The following GBP2 variants were observed in gnomAD, a reference collection of about 807,000 sequenced individuals.
The protein encoded by GBP2 is guanylate-binding protein 2.
GBP2 carries 54 observed loss-of-function variants against 60.8 expected under a neutral mutation model. The observed-to-expected ratio is 0.89, with a 90% CI of 0.71 to 1.11. The LOEUF (loss-of-function observed/expected upper bound fraction) is 1.11, where lower values mean the gene tolerates loss of function less well. Ranked by LOEUF, GBP2 falls within the 50% of genes most tolerant of loss-of-function variation. GBP2 has a pLI of 0.00. For missense variants in GBP2, 665 were observed against 703.3 expected, an observed-to-expected ratio of 0.95 and a Z score of 0.62; for synonymous variants, 243 against 256.5, an observed-to-expected ratio of 0.95 and a Z score of 0.50.
In GBP2 at chr1:89,114,121, G is replaced by A. The variant is rs533708281; in HGVS notation, c.1044C>T (p.Leu348=). 2 of 1,614,218 alleles carry A rather than the reference G, an allele frequency of 1.2e-6. No homozygotes were observed. The highest frequency in any genetic ancestry group is 1.7e-6 in the Non-Finnish European group (2 of 1,180,046). The change falls in exon 7 of 11, where the codon CTC becomes CTT. Residue 348 remains leucine, a synonymous_variant. Transcript: ENST00000370466. Reference sequence around the variant, plus strand: ...CCCTGTGCAGGTCCAGCAGCTCCTGGAGGGTTTCCGTGGGCAGCTGCACCT... The same window carrying A: ...CCCTGTGCAGGTCCAGCAGCTCCTGAAGGGTTTCCGTGGGCAGCTGCACCT... ...GQKVQLPTET[L]QELLDLHRDS...
At chr1:89,123,992 C>T (rs931144820) in intron 1 of GBP2, among the ~76,000 whole-genome samples, 2 of 152,122 alleles carry the variant, frequency 1.3e-5, no homozygotes, top group Non-Finnish European at 2.9e-5. Context: ...TTCTTATTCA[C>T]ATTTTCCAAC....
chr1:89,118,013 A>G (rs1681316039), intron 4 of GBP2: 1 of 325,006 alleles, frequency 3.1e-6, no homozygotes, highest in Admixed American at 4.8e-5. Flanking sequence ...TAGAGCTTAC[A>G]TTCTAATGAT....
chr1:89,110,493 T>A (rs972163325), intron 8 of GBP2, among the ~76,000 whole-genome samples: 5 of 152,164 alleles, frequency 3.3e-5, no homozygotes, highest in East Asian at 3.9e-4. Context: ...ATGTAAAACA[T>A]ATAATACCCC....
Position 89,110,173 on chromosome 1 carries a change from CT to C in GBP2, c.1455del (p.Ala486ArgfsTer7). 1 of 1,612,508 alleles carries C rather than the reference CT, an allele frequency of 6.2e-7. No individual in the cohort carries two copies. Among genetic ancestry groups the C allele is most frequent in the South Asian group, 1.1e-5 (1 of 91,004 alleles). Reference sequence around the variant, plus strand: ...TTTCAGCTGTTCTCACCTTCAATCGCTTTTTCCTTTTCTGAGAGTGACTGAT... The same window carrying C: ...TTTCAGCTGTTCTCACCTTCAATCGCTTTTCCTTTTCTGAGAGTGACTGAT... Reference protein sequence around the residue: ...QTDQSLSEKEKAIEVERIKAE... With the variant: ...QTDQSLSEKEXAIEVERIKAE... On this transcript the variant is annotated frameshift_variant, in exon 9 of 11. Transcript: ENST00000370466. LOFTEE classifies it high-confidence loss of function.
Position 89,120,285 on chromosome 1 carries a change from C to T in GBP2, c.322G>A (p.Asp108Asn). The T allele has an allele frequency of 6.2e-7, 1 of 1,612,060 alleles. No homozygotes were observed. Among genetic ancestry groups the T allele is most frequent in the Non-Finnish European group, 8.5e-7 (1 of 1,178,254 alleles). Residue 108 changes from aspartate to asparagine, a missense_variant, in exon 4 of 11, where the codon GAC (aspartate) becomes AAC (asparagine). Transcript: ENST00000370466. ...TEGLGDIEKG[D>N]NENDSWIFAL... ...AAGATCCAGGAGTCATTCTCATTGT[C>T]ACCCTGTAAGTCATTGTAGAAGCCA...
intron 6 of GBP2, 101 bp from the exon 7 acceptor site, chr1:89,114,397 G>A (rs1289434752): frequency 7.4e-7 from 1 of 1,348,168 alleles, no homozygotes; most frequent in African/African-American, 1.5e-5. Flanking sequence ...TTTTAAATAA[G>A]TTTTGGATAA....
rs1032163455 is a variant in GBP2 at position 89,107,439 on chromosome 1, G to T, written c.*736C>A. Among the ~76,000 whole-genome samples, 9 of 152,190 alleles carry T rather than the reference G, an allele frequency of 5.9e-5. No individual in the cohort carries two copies. Among genetic ancestry groups the T allele is most frequent in the Admixed American group, 1.3e-4 (2 of 15,282 alleles). The stretch of plus-strand genomic sequence containing the variant: ...AGACTAAGGGAGACTAGAGAAGAGA[G>T]ATCTAGGTGGCCTGGGAATGGGGCA... On this transcript the variant is annotated 3_prime_UTR_variant, in exon 11 of 11. Transcript: ENST00000370466.
Position 89,108,139 on chromosome 1 carries a change from A to G in GBP2, c.*36T>C, listed in dbSNP as rs373122245. On this transcript the variant is annotated 3_prime_UTR_variant, in exon 11 of 11. Transcript: ENST00000370466. ...CTCATTCATGTTGTTTCTTGGGGAG[A>G]GGGAGCTGGACAGGCAAATTTTGCT... 1 of 1,096,978 alleles carries G rather than the reference A, an allele frequency of 9.1e-7. No individual in the cohort carries two copies. The allele number at this position is 1,096,978 out of a possible 1,614,324, so 68.0% of individuals were successfully genotyped here. A position where few individuals can be genotyped will look rare whatever the true frequency, so the allele number is the denominator to read the frequency against.
At position 89,106,221 on chromosome 1, in the gene GBP2, G is replaced by C. The variant is rs543554638; in HGVS notation, c.*1954C>G. On this transcript the variant is annotated 3_prime_UTR_variant, in exon 11 of 11. Transcript: ENST00000370466. ...TGAACAAACAGGAAAGAAATGTTCC[G>C]ATTAAGTAAAAGGGGAATTGTAAGA... 1 of 151,960 alleles carries C rather than the reference G, an allele frequency of 6.6e-6. No homozygotes were observed. Among genetic ancestry groups the C allele is most frequent in the Non-Finnish European group, 1.5e-5 (1 of 68,026 alleles). 9.4% of individuals were successfully genotyped at this position (151,960 alleles called of 1,614,324 possible). A position where few individuals can be genotyped will look rare whatever the true frequency, so the allele number is the denominator to read the frequency against.
At chr1:89,122,786 A>G (rs1681429314) in intron 1 of GBP2, among the ~76,000 whole-genome samples, 1 of 152,170 alleles carries the variant, frequency 6.6e-6, no homozygotes, top group African/African-American at 2.4e-5. Flanking sequence ...ATACTTCCAT[A>G]ATTTTTTCAG....
At chr1:89,125,708 A>G (rs1681505093) in intron 1 of GBP2, among the ~76,000 whole-genome samples, 155 bp downstream of exon 1, 1 of 152,226 alleles carries the variant, frequency 6.6e-6, no homozygotes, top group South Asian at 2.1e-4. Context: ...AGGAGCAGAG[A>G]GCACTAAGGA....
rs752938657 is a variant in GBP2, at chr1:89,121,251, T to C, written c.210A>G (p.Thr70=). 20 of 1,610,050 alleles carry C rather than the reference T, an allele frequency of 1.2e-5. No individual in the cohort carries two copies. The highest frequency in any genetic ancestry group is 1.7e-5 in the Non-Finnish European group (20 of 1,177,546). ...GKKNGFSLGS[T]VKSHTKGIWM... ...AGATTCCCTTGGTGTGAGACTTCAC[T>C]GTGGAGCCTAGAGAGAAGCCTGTAG... The change falls in exon 3 of 11, where the codon ACA becomes ACG. Residue 70 remains threonine (T), a synonymous_variant. Coordinates refer to ENST00000370466, the MANE Select transcript of GBP2 (RefSeq NM_004120.5).
Position 89,110,893 on chromosome 1 carries a change from T to C in GBP2, c.1363-627A>G, listed in dbSNP as rs375467672. Among the ~76,000 whole-genome samples, 56 of 152,344 alleles carry C rather than the reference T, an allele frequency of 3.7e-4. 6 individuals carry two copies. The highest frequency in any genetic ancestry group is 9.2e-4 in the Admixed American group (14 of 15,300). Reference sequence around the variant, plus strand: ...CTACAATATCTCTAATGAAAATTGATGCAAAAGTCCTCAATAAAGTACTAG... The same window carrying C: ...CTACAATATCTCTAATGAAAATTGACGCAAAAGTCCTCAATAAAGTACTAG... On this transcript the variant is annotated intron_variant, in intron 8 of 10. Coordinates refer to ENST00000370466, the MANE Select transcript of GBP2 (RefSeq NM_004120.5).
rs564986278 is a variant in GBP2, at chr1:89,107,137, A to T, written c.*1038T>A. ...CCATGAAGAACTCTGAATAATACAC[A>T]TCCTGAAACAATTGTAGTAGGATAA... On this transcript the variant is annotated 3_prime_UTR_variant, in exon 11 of 11. Transcript: ENST00000370466. 3.9e-5 allele frequency: 6 copies of T among 152,290 alleles called. No homozygotes were observed. The East Asian group carries it at 1.2e-3, about 29-fold the overall frequency. The allele number at this position is 152,290 out of a possible 1,614,324, so 9.4% of individuals were successfully genotyped here. A position where few individuals can be genotyped will look rare whatever the true frequency, so the allele number is the denominator to read the frequency against.
intron 10 of GBP2, among the ~76,000 whole-genome samples, chr1:89,108,655 G>A (rs889496123): frequency 8.5e-5 from 13 of 152,120 alleles, no homozygotes; most frequent in African/African-American, 3.1e-4. Context: ...AAAGATAGAT[G>A]ATTTCCAATT....
At chr1:89,111,005 T>C (rs1167612815) in intron 8 of GBP2, among the ~76,000 whole-genome samples, 1 of 152,090 alleles carries the variant, frequency 6.6e-6, no homozygotes, top group Non-Finnish European at 1.5e-5. Context: ...GCTCAACATA[T>C]GCAAATCAAT....
intron 8 of GBP2, among the ~76,000 whole-genome samples, chr1:89,112,010 G>T (rs1681176843): frequency 6.6e-6 from 1 of 152,124 alleles, no homozygotes; most frequent in Non-Finnish European, 1.5e-5. Flanking sequence ...ATATTTTATA[G>T]AATTGCTCTG....
chr1:89,121,161 G>A lies in GBP2; in HGVS notation c.300C>T (p.Gly100=). ...TTTTTACCTTCTCTATATCTCCCAG[G>A]CCCTCAGTGTCGAGCAGAACTAGGG... ...EHTLVLLDTE[G]LGDIEKGDNE... is the part of the protein sequence containing the mutation. Residue 100 remains glycine, a synonymous_variant, in exon 3 of 11, where the codon GGC becomes GGT. Transcript: ENST00000370466. The A allele has an allele frequency of 6.2e-7, 1 of 1,611,884 alleles. No individual in the cohort carries two copies. Among genetic ancestry groups the A allele is most frequent in the Non-Finnish European group, 8.5e-7 (1 of 1,178,872 alleles).
chr1:89,115,200 A>ATAAATCCATATT (rs1681244452), intron 6 of GBP2, among the ~76,000 whole-genome samples: 1 of 152,152 alleles, frequency 6.6e-6, no homozygotes, highest in Admixed American at 6.5e-5. Context: ...TATTCCCTTC[A>ATAAATCCATATT]TAAATCCATA....
Sources: allele counts gnomAD v4.1 joint callset (sites outside exome capture counted in the v4.1 genomes callset), GRCh38; gene constraint gnomAD v4.1.1; transcripts MANE v1.5; gene names NCBI Gene and HGNC (gene_info 2026-07-23, HGNC 2026-07-21).